Variants in ASAH1 observed in about 807,000 individuals in gnomAD.
ASAH1 encodes N-acylsphingosine amidohydrolase 1, also known as acid ceramidase.
In ASAH1, 70 loss-of-function variants were observed where a neutral mutation model predicts 59.5. The ratio of observed to expected loss-of-function variants is 1.18; its 90% confidence interval spans 0.97 to 1.43. The LOEUF (loss-of-function observed/expected upper bound fraction) is 1.43, where lower values mean the gene tolerates loss of function less well. Ranked by LOEUF, ASAH1 falls within the 40% of genes most tolerant of loss-of-function variation. The probability of loss-of-function intolerance (pLI) is 0.00; values close to 1 mark genes in which losing one functional copy is unlikely to be tolerated. For synonymous variants in ASAH1, 213 were observed against 166.5 expected, an observed-to-expected ratio of 1.28 and a Z score of -2.15; for missense variants, 660 against 482.5, an observed-to-expected ratio of 1.37 and a Z score of -3.45.
chr8:18,059,770 T>A, intron 10 of ASAH1, 67 bp from the exon 11 acceptor site: 6 of 1,449,178 alleles, frequency 4.1e-6, no homozygotes, highest in Non-Finnish European at 5.6e-6. Context: ...CTTCATTTAT[T>A]TTTAAATTTT....
upstream of ASAH1, chr8:18,084,860 G>C (rs1041482775): frequency 2.1e-4 from 331 of 1,600,560 alleles, no homozygotes; most frequent in Non-Finnish European, 2.6e-4. Context: ...GCAGAGCTCA[G>C]CTTGGGAGGA....
intron 2 of ASAH1, among the ~76,000 whole-genome samples, chr8:18,073,956 G>A (rs1800282388): frequency 6.6e-6 from 1 of 152,130 alleles, no homozygotes; most frequent in Non-Finnish European, 1.5e-5. Context: ...GTGTTTTGGA[G>A]TACATATGTA....
chr8:18,081,604 T>C (rs1457387052), intron 1 of ASAH1, among the ~76,000 whole-genome samples: 4 of 152,138 alleles, frequency 2.6e-5, no homozygotes, highest in African/African-American at 7.2e-5. Context: ...AATTCAATAA[T>C]GAAGAATAAC....
intron 6 of ASAH1, 155 bp downstream of exon 6, chr8:18,064,299 CAGT>C: frequency 1.5e-6 from 1 of 665,702 alleles, no homozygotes; most frequent in South Asian, 1.8e-5. Context: ...GGAAAATTTT[CAGT>C]ACAATCACAA....
At position 18,057,527 on chromosome 8, in the gene ASAH1, C is replaced by G. The variant is rs1046087544; in HGVS notation, c.*7G>C. The G allele has an allele frequency of 6.3e-7, 1 of 1,589,746 alleles. No homozygotes were observed. The highest frequency in any genetic ancestry group is 1.1e-5 in the South Asian group (1 of 90,772). On this transcript the variant is annotated 3_prime_UTR_variant, in exon 14 of 14. Transcript: ENST00000637790. ...CAGAGGCCGCATTCTGTAGGCCAGA[C>G]GTGTGCTCACCAACCTATACAAGGG... is the stretch of plus-strand genomic sequence containing the variant.
chr8:18,057,635 G>C lies in ASAH1; in HGVS notation c.1099-12C>G. 3 of 1,581,978 alleles carry C rather than the reference G, an allele frequency of 1.9e-6. No individual in the cohort carries two copies. The highest frequency in any genetic ancestry group is 1.7e-6 in the Non-Finnish European group (2 of 1,157,818). ...GTGTATACGGTCAGCTGAAAGAAAA[G>C]TTATTTTTACTTTAAGGACGTTTTC... On this transcript the variant is annotated splice_polypyrimidine_tract_variant and intron_variant, in intron 13 of 13. Coordinates refer to ENST00000637790, the MANE Select transcript of ASAH1 (RefSeq NM_177924.5).
At chr8:18,058,753 G>A (rs1799568726) in intron 13 of ASAH1, 82 bp downstream of exon 13, 2 of 1,279,756 alleles carry the variant, frequency 1.6e-6, no homozygotes, top group South Asian at 1.2e-5. Context: ...TGCTCAAACT[G>A]ATCAAAGATA....
chr8:18,062,371 T>C lies in ASAH1; in HGVS notation c.556A>G (p.Thr186Ala), dbSNP rs368212646. ...TTTCTTTGGAAATCCAAATTCACTG[T>C]TAAAGGTTTTAGTTGCTCAGTTATG... Reference protein sequence around the residue: ...WVITEQLKPLTVNLDFQRNNK... With the variant: ...WVITEQLKPLAVNLDFQRNNK... Residue 186 changes from threonine (T) to alanine (A), a missense_variant, in exon 8 of 14, where the codon ACA becomes GCA. Coordinates refer to ENST00000637790, the MANE Select transcript of ASAH1 (RefSeq NM_177924.5). 6.2e-7 allele frequency: 1 copy of C among 1,614,180 alleles called. No homozygotes were observed. Among genetic ancestry groups the C allele is most frequent in the Non-Finnish European group, 8.5e-7 (1 of 1,180,018 alleles).
At chr8:18,067,554 C>T (rs529500723) in intron 4 of ASAH1, 28 of 177,454 alleles carry the variant, frequency 1.6e-4, no homozygotes, top group Admixed American at 4.4e-4. Flanking sequence ...GATTGTTTTT[C>T]CTGCCTTATT....
intron 6 of ASAH1, chr8:18,063,448 CAT>C (rs1799793827): frequency 2.1e-6 from 1 of 483,788 alleles, no homozygotes; most frequent in Admixed American, 3.6e-5. Flanking sequence ...GGATTACAGA[CAT>C]GTGCGACCGC....
chr8:18,069,860 A>T lies in ASAH1; in HGVS notation c.235T>A (p.Ser79Thr), dbSNP rs770225185. Residue 79 changes from serine (S) to threonine (T), a missense_variant, in exon 4 of 14, where the codon TCT becomes ACT. Physicochemically the swap from Ser to Thr is moderately conservative, Grantham distance 58 (BLOSUM62 1). Coordinates refer to ENST00000637790, the MANE Select transcript of ASAH1 (RefSeq NM_177924.5). ...KAPVLKVIVN[S>T]LKNMINTFVP... ...AATGTATTTATCATATTCTTCAGAG[A>T]ATTCACTATAACCTTTAGCTGAAAA... 1.3e-6 allele frequency: 2 copies of T among 1,586,584 alleles called. No individual in the cohort carries two copies. Among genetic ancestry groups the T allele is most frequent in the Non-Finnish European group, 1.7e-6 (2 of 1,157,878 alleles).
At chr8:18,066,909 A>G in intron 5 of ASAH1, 1 of 354,006 alleles carries the variant, frequency 2.8e-6, no homozygotes, top group Non-Finnish European at 5.1e-6. Context: ...CTATTTATAC[A>G]AAGTTCACGA....
At chr8:18,060,990 T>A (rs1221605424) in intron 10 of ASAH1, 1 of 194,966 alleles carries the variant, frequency 5.1e-6, no homozygotes, top group East Asian at 1.4e-4. Context: ...TGGGTGCAAG[T>A]CATCTGTCTA....
intron 2 of ASAH1, among the ~76,000 whole-genome samples, chr8:18,075,196 T>C (rs1800349721): frequency 6.6e-6 from 1 of 151,926 alleles, no homozygotes. Flanking sequence ...GGGGTTTCAC[T>C]GTTAGCCAGC....
At chr8:18,072,606 A>C (rs1202355927) in intron 2 of ASAH1, among the ~76,000 whole-genome samples, 1 of 152,230 alleles carries the variant, frequency 6.6e-6, no homozygotes, top group Non-Finnish European at 1.5e-5. Flanking sequence ...TTTTCTTAGG[A>C]GCTGATATCT....
intron 12 of ASAH1, 93 bp from the exon 13 acceptor site, chr8:18,058,984 C>CT: frequency 1.8e-6 from 2 of 1,139,152 alleles, no homozygotes; most frequent in Non-Finnish European, 2.6e-6. Context: ...CCAAGACATT[C>CT]TTTAATCAAC....
At chr8:18,067,157 T>TGTG in intron 5 of ASAH1, 63 bp downstream of exon 5, 2 of 920,022 alleles carry the variant, frequency 2.2e-6, no homozygotes, top group Non-Finnish European at 3.2e-6. Context: ...ATATCACACC[T>TGTG]CAATGGAAAC....
intron 1 of ASAH1, 83 bp downstream of exon 1, chr8:18,083,898 C>T (rs1221292660): frequency 1.3e-6 from 2 of 1,538,948 alleles, no homozygotes; most frequent in Non-Finnish European, 1.7e-6. Context: ...GTTCCTTGTA[C>T]CCGCTCGCGC....
chr8:18,080,332 T>C (rs1216730027), intron 1 of ASAH1, among the ~76,000 whole-genome samples: 1 of 152,126 alleles, frequency 6.6e-6, no homozygotes, highest in African/African-American at 2.4e-5. Context: ...ATGAAGTGGG[T>C]CAGATTTATT....
Sources: gnomAD v4.1 joint callset for allele counts (sites outside exome capture counted in the v4.1 genomes callset) on GRCh38, gnomAD v4.1.1 for gene constraint, MANE v1.5 for transcripts, NCBI Gene and HGNC (gene_info 2026-07-23, HGNC 2026-07-21) for gene names.